The following EYS variants were observed in gnomAD, a reference collection of about 807,000 sequenced individuals.
EYS encodes the protein EGF-like photoreceptor maintenance factor, also known as protein eyes shut homolog.
In EYS, 250 loss-of-function variants were observed where a neutral mutation model predicts 282.1. The observed-to-expected ratio is 0.89, with a 90% CI of 0.80 to 0.98. The LOEUF (loss-of-function observed/expected upper bound fraction) is 0.98, where lower values mean the gene tolerates loss of function less well. Among genes scored for constraint, EYS ranks in the 50% least tolerant of loss-of-function variants. EYS has a pLI of 0.00. For synonymous variants in EYS, 1,355 were observed against 1,282.9 expected (o/e 1.06, Z -1.20); for missense variants, 4,016 against 3,709.0 (o/e 1.08, Z -2.15).
At chr6:65,481,673 T>C (rs1018098413) in intron 5 of EYS, among the ~76,000 whole-genome samples, 2 of 152,106 alleles carry the variant, frequency 1.3e-5, no homozygotes, top group South Asian at 2.1e-4. Context: ...CTCAGCCTCC[T>C]GAGTAGCTGG....
At chr6:64,092,551 T>A (rs1772407813) in intron 31 of EYS, among the ~76,000 whole-genome samples, 1 of 152,240 alleles carries the variant, frequency 6.6e-6, no homozygotes, top group African/African-American at 2.4e-5. Context: ...AAATGTCTTC[T>A]TTTGAGAAAT....
At chr6:64,732,092 A>G (rs1023960682) in intron 22 of EYS, among the ~76,000 whole-genome samples, 1 of 152,140 alleles carries the variant, frequency 6.6e-6, no homozygotes, top group African/African-American at 2.4e-5. Flanking sequence ...GTTCTCACTC[A>G]TAAGTGGGAG....
chr6:63,885,847 G>A (rs144275270), intron 35 of EYS, among the ~76,000 whole-genome samples: 3 of 152,240 alleles, frequency 2.0e-5, no homozygotes, highest in African/African-American at 7.2e-5. Flanking sequence ...TCTCCCAACT[G>A]TTGTAGATGT....
chr6:64,355,058 C>A (rs1771778521), intron 29 of EYS, among the ~76,000 whole-genome samples: 1 of 151,528 alleles, frequency 6.6e-6, no homozygotes, highest in Non-Finnish European at 1.5e-5. Flanking sequence ...AAAACAATTA[C>A]CCAATCTAGT....
At chr6:64,073,283 G>T (rs1771655300) in intron 32 of EYS, among the ~76,000 whole-genome samples, 1 of 151,760 alleles carries the variant, frequency 6.6e-6, no homozygotes, top group Admixed American at 6.6e-5. Flanking sequence ...AATAACATAT[G>T]ATGGTAGGTG....
intron 26 of EYS, among the ~76,000 whole-genome samples, chr6:64,589,798 T>G (rs1443525301): frequency 6.6e-6 from 1 of 152,078 alleles, no homozygotes; most frequent in South Asian, 2.1e-4. Flanking sequence ...TCAAGAAAGT[T>G]CCAGTGATTT....
intron 26 of EYS, among the ~76,000 whole-genome samples, chr6:64,450,670 G>A (rs938175341): frequency 3.6e-4 from 55 of 152,124 alleles, no homozygotes; most frequent in African/African-American, 1.3e-3. Flanking sequence ...TCAGACCACA[G>A]TGCAATCAAA....
intron 12 of EYS, among the ~76,000 whole-genome samples, chr6:65,243,568 T>G (rs954094732): frequency 6.6e-6 from 1 of 152,180 alleles, no homozygotes; most frequent in Non-Finnish European, 1.5e-5. Context: ...TGTTTCTCCC[T>G]TTTTTGTATG....
intron 35 of EYS, among the ~76,000 whole-genome samples, chr6:63,912,025 T>C (rs1174132639): frequency 1.3e-5 from 2 of 152,218 alleles, no homozygotes; most frequent in Non-Finnish European, 2.9e-5. Flanking sequence ...GTTTTATTTA[T>C]TTTTATTTTT....
At chr6:65,648,727 A>G (rs1430993736) in intron 1 of EYS, among the ~76,000 whole-genome samples, 1 of 147,956 alleles carries the variant, frequency 6.8e-6, no homozygotes, top group African/African-American at 2.5e-5. Flanking sequence ...ATCAATTTAT[A>G]AAACAAACAG....
rs1331085985 is a variant in EYS, at chr6:64,282,955, A to G, written c.6191+24015T>C. Among the ~76,000 whole-genome samples, 4 of 152,180 alleles carry G rather than the reference A, an allele frequency of 2.6e-5. No homozygotes were observed. The East Asian group carries it at 5.8e-4, about 22-fold the overall frequency. On this transcript the variant is annotated intron_variant, in intron 30 of 42. Transcript: ENST00000503581. ...CACATATATTTAACATATATATTAC[A>G]TCATGTCTTGTCACTGCTCAAAACT...
intron 28 of EYS, among the ~76,000 whole-genome samples, chr6:64,396,151 TTTGAA>T (rs1773369002): frequency 6.6e-6 from 1 of 152,084 alleles, no homozygotes. Context: ...GATATATATT[TTTGAA>T]TTGAATAGTT....
intron 2 of EYS, among the ~76,000 whole-genome samples, chr6:65,509,142 T>A (rs1326319249): frequency 2.0e-5 from 3 of 152,178 alleles, no homozygotes; most frequent in Non-Finnish European, 2.9e-5. Flanking sequence ...AACATACATC[T>A]TCCTTTCGTT....
intron 12 of EYS, among the ~76,000 whole-genome samples, chr6:65,174,130 C>T (rs1765173245): frequency 6.6e-6 from 1 of 151,010 alleles, no homozygotes; most frequent in South Asian, 2.1e-4. Flanking sequence ...CAAACTTCAC[C>T]CACAAACCCA....
chr6:65,138,818 C>T (rs998742209), intron 12 of EYS, among the ~76,000 whole-genome samples: 4 of 151,964 alleles, frequency 2.6e-5, no homozygotes, highest in Non-Finnish European at 5.9e-5. Context: ...TTCATGAGGC[C>T]AACAAGCATA....
chr6:64,703,770 T>G (rs1287910634), intron 22 of EYS, among the ~76,000 whole-genome samples: 1 of 152,128 alleles, frequency 6.6e-6, no homozygotes, highest in Non-Finnish European at 1.5e-5. Flanking sequence ...AATGACAAAT[T>G]GTGAAACAAA....
chr6:64,767,271 A>T (rs1261258225), intron 22 of EYS, among the ~76,000 whole-genome samples: 1 of 152,032 alleles, frequency 6.6e-6, no homozygotes, highest in Non-Finnish European at 1.5e-5. Context: ...ATGTCTTTGT[A>T]TTGGAATATT....
chr6:65,700,106 C>G (rs1769612272), intron 1 of EYS, among the ~76,000 whole-genome samples: 1 of 81,990 alleles, frequency 1.2e-5, no homozygotes, highest in African/African-American at 4.8e-5. Context: ...CAGAGCGAGA[C>G]TCCGTCTCAA....
At chr6:63,974,429 A>G (rs1270409878) in intron 35 of EYS, among the ~76,000 whole-genome samples, 1 of 152,078 alleles carries the variant, frequency 6.6e-6, no homozygotes, top group Non-Finnish European at 1.5e-5. Flanking sequence ...TGAGGGAGAG[A>G]TACTATTAGC....
Sources: gnomAD v4.1 joint callset for allele counts (sites outside exome capture counted in the v4.1 genomes callset) on GRCh38, gnomAD v4.1.1 for gene constraint, MANE v1.5 for transcripts, NCBI Gene and HGNC (gene_info 2026-07-23, HGNC 2026-07-21) for gene names.